Variants in CACNA2D3 observed in about 807,000 individuals in gnomAD.
CACNA2D3 encodes the protein calcium voltage-gated channel auxiliary subunit alpha2delta 3.
Under a neutral mutation model 160.6 loss-of-function variants are expected in CACNA2D3, and 60 were observed. The observed-to-expected ratio is 0.37, with a 90% CI of 0.30 to 0.46. The LOEUF (loss-of-function observed/expected upper bound fraction) is 0.46, where lower values mean the gene tolerates loss of function less well. CACNA2D3 is among the 20% of genes least tolerant of loss of function. CACNA2D3 has a pLI of 1.00. For synonymous variants in CACNA2D3, 558 were observed against 492.9 expected, an observed-to-expected ratio of 1.13 and a Z score of -1.75; for missense variants, 1,205 against 1,365.0, an observed-to-expected ratio of 0.88 and a Z score of 1.85.
At chr3:54,618,493 T>C (rs957748327) in intron 9 of CACNA2D3, among the ~76,000 whole-genome samples, 1 of 151,920 alleles carries the variant, frequency 6.6e-6, no homozygotes, top group African/African-American at 2.4e-5. Context: ...AATACCCATA[T>C]GTAATTAAGC....
At chr3:54,406,231 A>G (rs1215030100) in intron 4 of CACNA2D3, among the ~76,000 whole-genome samples, 1 of 152,136 alleles carries the variant, frequency 6.6e-6, no homozygotes, top group Non-Finnish European at 1.5e-5. Context: ...CACCTCAGAA[A>G]GATACCTGCA....
intron 13 of CACNA2D3, among the ~76,000 whole-genome samples, chr3:54,773,233 CCATTTAGGAGT>C (rs1702352592): frequency 6.6e-6 from 1 of 152,174 alleles, no homozygotes; most frequent in Non-Finnish European, 1.5e-5. Flanking sequence ...GGCACCTAGG[CCATTTAGGAGT>C]CATTTGGGTG....
At chr3:54,937,714 C>T (rs947701960) in intron 27 of CACNA2D3, among the ~76,000 whole-genome samples, 1 of 152,064 alleles carries the variant, frequency 6.6e-6, no homozygotes, top group African/African-American at 2.4e-5. Flanking sequence ...CCAGAATTTA[C>T]CACAGAGAGG....
At chr3:54,416,775 A>G (rs963629538) in intron 4 of CACNA2D3, among the ~76,000 whole-genome samples, 3 of 152,194 alleles carry the variant, frequency 2.0e-5, no homozygotes, top group South Asian at 2.1e-4. Flanking sequence ...ATATGCAATT[A>G]TAAATATATA....
At chr3:54,984,875 G>C (rs540926827) in intron 30 of CACNA2D3, among the ~76,000 whole-genome samples, 4 of 152,252 alleles carry the variant, frequency 2.6e-5, no homozygotes, top group South Asian at 4.2e-4. Context: ...CCTCCCACTG[G>C]GGGGTGCAGG....
chr3:55,007,879 A>G (rs1405881828), intron 33 of CACNA2D3, 37 bp downstream of exon 33: 1 of 1,417,366 alleles, frequency 7.1e-7, no homozygotes. Flanking sequence ...GAAAAGTATT[A>G]ATATTTTCCT....
intron 27 of CACNA2D3, among the ~76,000 whole-genome samples, chr3:54,926,253 TATTA>T (rs1264373187): frequency 3.3e-5 from 5 of 152,170 alleles, no homozygotes; most frequent in African/African-American, 1.2e-4. Flanking sequence ...TAAATATGTA[TATTA>T]ATTAATCCTC....
intron 31 of CACNA2D3, among the ~76,000 whole-genome samples, chr3:54,991,065 C>T (rs1402100440): frequency 6.6e-6 from 1 of 152,112 alleles, no homozygotes; most frequent in East Asian, 1.9e-4. Flanking sequence ...GTTCGCTGAG[C>T]ACCCACCAGA....
intron 34 of CACNA2D3, among the ~76,000 whole-genome samples, chr3:55,014,096 T>C (rs531877044): frequency 2.0e-5 from 3 of 152,288 alleles, no homozygotes; most frequent in Non-Finnish European, 4.4e-5. Context: ...GTGTCTTCGT[T>C]TCTGAGCTTT....
chr3:54,143,850 T>G (rs1055990525), intron 2 of CACNA2D3, among the ~76,000 whole-genome samples: 1 of 152,236 alleles, frequency 6.6e-6, no homozygotes, highest in Non-Finnish European at 1.5e-5. Context: ...TTTGCTTACA[T>G]GTATGTATAT....
At chr3:54,257,454 A>G (rs143797864) in intron 2 of CACNA2D3, among the ~76,000 whole-genome samples, 342 of 152,212 alleles carry the variant, frequency 2.2e-3, no homozygotes, top group African/African-American at 7.5e-3. Context: ...CCTCTCTGAA[A>G]TGTTTATAGA....
chr3:54,551,446 T>A (rs7430036), intron 5 of CACNA2D3, among the ~76,000 whole-genome samples: 18,877 of 152,208 alleles, frequency 0.12, 1,360 homozygotes, highest in South Asian at 0.19. Flanking sequence ...TGACATGATT[T>A]AATACCCTTT....
intron 6 of CACNA2D3, among the ~76,000 whole-genome samples, chr3:54,567,898 G>C (rs1214934873): frequency 6.6e-6 from 1 of 152,226 alleles, no homozygotes; most frequent in Admixed American, 6.5e-5. Flanking sequence ...TTAAAGACAG[G>C]AGAAGGAATG....
At chr3:54,289,887 C>T (rs1209952180) in intron 2 of CACNA2D3, among the ~76,000 whole-genome samples, 1 of 152,072 alleles carries the variant, frequency 6.6e-6, no homozygotes, top group African/African-American at 2.4e-5. Flanking sequence ...CCCTTCCTTA[C>T]ACCTTATACA....
intron 2 of CACNA2D3, among the ~76,000 whole-genome samples, chr3:54,153,444 T>G (rs1037892476): frequency 2.6e-5 from 4 of 152,212 alleles, no homozygotes; most frequent in African/African-American, 9.7e-5. Context: ...AACTCAAACC[T>G]TATTTATTCA....
At chr3:54,612,008 A>G (rs605284) in intron 9 of CACNA2D3, among the ~76,000 whole-genome samples, 85,777 of 152,040 alleles carry the variant, frequency 0.56, 25,452 homozygotes, top group African/African-American at 0.77. Flanking sequence ...AAGAATGCCA[A>G]TGCCCCCATG....
chr3:54,980,524 G>C (rs1702483952), intron 29 of CACNA2D3, among the ~76,000 whole-genome samples: 1 of 152,164 alleles, frequency 6.6e-6, no homozygotes, highest in Admixed American at 6.5e-5. Context: ...TACACACCTT[G>C]AGTGTAGAAC....
chr3:54,168,314 A>G (rs1008562745), intron 2 of CACNA2D3, among the ~76,000 whole-genome samples: 1 of 152,166 alleles, frequency 6.6e-6, no homozygotes. Context: ...ATGATTTCAC[A>G]TTTGCATAAG....
chr3:54,315,205 G>A (rs1023036276), intron 2 of CACNA2D3, among the ~76,000 whole-genome samples: 1 of 152,134 alleles, frequency 6.6e-6, no homozygotes, highest in African/African-American at 2.4e-5. Context: ...AGGTTCCAGG[G>A]CCCCCTCCAG....
Sources: allele counts gnomAD v4.1 joint callset (sites outside exome capture counted in the v4.1 genomes callset), GRCh38; gene constraint gnomAD v4.1.1; transcripts MANE v1.5; gene names NCBI Gene and HGNC (gene_info 2026-07-23, HGNC 2026-07-21).